The following PCDH15 variants were observed in gnomAD, a reference collection of about 807,000 sequenced individuals.
PCDH15 encodes protocadherin-15.
In PCDH15, 129 loss-of-function variants were observed where a neutral mutation model predicts 178.5. The observed-to-expected ratio is 0.72, with a 90% CI of 0.63 to 0.84. PCDH15 has a LOEUF of 0.84. PCDH15 is among the 40% of genes least tolerant of loss of function. The pLI is 0.00. For synonymous variants in PCDH15, 800 were observed against 732.0 expected, an observed-to-expected ratio of 1.09 and a Z score of -1.50; for missense variants, 2,230 against 2,099.9, an observed-to-expected ratio of 1.06 and a Z score of -1.21.
chr10:54,630,375 T>G (rs908629791), intron 2 of PCDH15, among the ~76,000 whole-genome samples: 2 of 152,182 alleles, frequency 1.3e-5, no homozygotes, highest in African/African-American at 4.8e-5. Context: ...TACAACCATT[T>G]GATCTTCAAC....
At chr10:54,096,972 T>C (rs1911432) in intron 15 of PCDH15, among the ~76,000 whole-genome samples, 119,334 of 152,138 alleles carry the variant, frequency 0.78, 47,827 homozygotes, top group African/African-American at 0.93. Flanking sequence ...TTAACTTCTA[T>C]CTCCCCTTCT....
chr10:55,160,526 C>T (rs1839036829), intron 2 of PCDH15, among the ~76,000 whole-genome samples: 1 of 152,036 alleles, frequency 6.6e-6, no homozygotes, highest in African/African-American at 2.4e-5. Flanking sequence ...TTAACAGCAT[C>T]ATCAGGCATT....
At chr10:55,186,725 T>C (rs1257545212) in intron 1 of PCDH15, among the ~76,000 whole-genome samples, 1 of 149,172 alleles carries the variant, frequency 6.7e-6, no homozygotes, top group East Asian at 2.0e-4. Context: ...TCTTTAACAG[T>C]TTACCACATA....
At chr10:54,012,798 C>T (rs2092630243) in intron 20 of PCDH15, among the ~76,000 whole-genome samples, 1 of 151,964 alleles carries the variant, frequency 6.6e-6, no homozygotes. Flanking sequence ...GAAAGGAGTG[C>T]TACATGTGAA....
At chr10:54,725,026 T>G (rs1005008713) in intron 1 of PCDH15, among the ~76,000 whole-genome samples, 1 of 151,568 alleles carries the variant, frequency 6.6e-6, no homozygotes, top group East Asian at 1.9e-4. Flanking sequence ...TACATACACA[T>G]ATATTTTAAA....
At chr10:55,398,076 G>C (rs976673720) in intron 2 of PCDH15, among the ~76,000 whole-genome samples, 6 of 151,682 alleles carry the variant, frequency 4.0e-5, no homozygotes, top group African/African-American at 1.5e-4. Flanking sequence ...ATATGATATA[G>C]TAAATATACT....
At chr10:54,312,146 A>G (rs2060949918) in intron 8 of PCDH15, among the ~76,000 whole-genome samples, 1 of 152,106 alleles carries the variant, frequency 6.6e-6, no homozygotes, top group African/African-American at 2.4e-5. Flanking sequence ...GGAGAGCAAG[A>G]TCTTATTGAA....
At chr10:54,497,068 C>A (rs778024880) in intron 3 of PCDH15, among the ~76,000 whole-genome samples, 4 of 151,996 alleles carry the variant, frequency 2.6e-5, no homozygotes, top group Non-Finnish European at 5.9e-5. Context: ...CTTGGAATAT[C>A]TTGGCCTTTC....
At chr10:54,380,100 A>G (rs1948998277) in intron 3 of PCDH15, among the ~76,000 whole-genome samples, 1 of 152,218 alleles carries the variant, frequency 6.6e-6, no homozygotes, top group African/African-American at 2.4e-5. Context: ...ATAATTATCT[A>G]TAATATTTCT....
chr10:54,280,008 C>T (rs529769860), intron 8 of PCDH15, among the ~76,000 whole-genome samples: 2 of 151,628 alleles, frequency 1.3e-5, no homozygotes, highest in Non-Finnish European at 3.0e-5. Context: ...GCAAGATCAC[C>T]ATTGTCATTA....
chr10:54,138,385 G>A (rs2043081863), intron 14 of PCDH15, among the ~76,000 whole-genome samples: 1 of 152,072 alleles, frequency 6.6e-6, no homozygotes, highest in Admixed American at 6.6e-5. Flanking sequence ...GAAGCACCCC[G>A]ACTGTTTCAG....
At chr10:54,177,572 T>C (rs1427439281) in intron 13 of PCDH15, among the ~76,000 whole-genome samples, 2 of 139,480 alleles carry the variant, frequency 1.4e-5, no homozygotes, top group Non-Finnish European at 3.1e-5. Flanking sequence ...TTTTGGTGTG[T>C]ACCTAAAACT....
intron 2 of PCDH15, among the ~76,000 whole-genome samples, chr10:54,947,360 C>T (rs1166305082): frequency 6.6e-6 from 1 of 151,848 alleles, no homozygotes; most frequent in East Asian, 1.9e-4. Flanking sequence ...CTTGTTTTTG[C>T]AGATTTGTAT....
At chr10:55,345,975 T>C (rs1214238044) in intron 2 of PCDH15, among the ~76,000 whole-genome samples, 1 of 152,058 alleles carries the variant, frequency 6.6e-6, no homozygotes, top group Non-Finnish European at 1.5e-5. Flanking sequence ...CACTGGTAAG[T>C]AAGGATGGTA....
intron 3 of PCDH15, among the ~76,000 whole-genome samples, chr10:54,831,271 G>T (rs1241513202): frequency 6.6e-6 from 1 of 151,624 alleles, no homozygotes; most frequent in South Asian, 2.1e-4. Context: ...GATATTCATG[G>T]GAACATGAAA....
chr10:53,859,944 G>A lies in PCDH15; in HGVS notation c.3718-2681C>T, dbSNP rs144357889. The stretch of plus-strand genomic sequence containing the variant: ...TTAATCAAGGAAATCTCCTGCTCCC[G>A]GGATGGGGATCTACATTATATATAC... On this transcript the variant is annotated intron_variant, in intron 27 of 37. Transcript: ENST00000644397. Among the ~76,000 whole-genome samples the A allele has an allele frequency of 1.6e-4, 25 of 152,148 alleles. No individual in the cohort carries two copies. The East Asian group carries it at 2.1e-3, about 13-fold the overall frequency.
chr10:55,287,011 C>A (rs867832260), intron 1 of PCDH15, among the ~76,000 whole-genome samples: 1 of 151,882 alleles, frequency 6.6e-6, no homozygotes, highest in South Asian at 2.1e-4. Context: ...ATAGGGCATT[C>A]ATTTATTTTA....
chr10:55,181,564 G>A (rs1227594619), intron 1 of PCDH15, among the ~76,000 whole-genome samples: 4 of 151,796 alleles, frequency 2.6e-5, no homozygotes, highest in Admixed American at 2.6e-4. Flanking sequence ...TAGTTTTTAA[G>A]GACTATTTTA....
At chr10:55,384,202 T>C (rs1404171216) in intron 2 of PCDH15, among the ~76,000 whole-genome samples, 1 of 152,140 alleles carries the variant, frequency 6.6e-6, no homozygotes, top group African/African-American at 2.4e-5. Context: ...AATGTTCCTT[T>C]TGGGAGTTGC....
Sources: allele counts gnomAD v4.1 joint callset (sites outside exome capture counted in the v4.1 genomes callset), GRCh38; gene constraint gnomAD v4.1.1; transcripts MANE v1.5; gene names NCBI Gene and HGNC (gene_info 2026-07-23, HGNC 2026-07-21).